Variants in NOMO2 observed in about 807,000 individuals in gnomAD.
The protein encoded by NOMO2 is NODAL modulator 2.
In NOMO2, 14 loss-of-function variants were observed where a neutral mutation model predicts 67.1. The observed-to-expected ratio is 0.21, with a 90% confidence interval of 0.14 to 0.33. The LOEUF (loss-of-function observed/expected upper bound fraction) is 0.33. Ranked by LOEUF, NOMO2 falls within the 10% of genes least tolerant of loss-of-function variation. The pLI, the probability that NOMO2 is intolerant of heterozygous loss-of-function variation, is 1.00. For synonymous variants in NOMO2, 80 were observed against 305.9 expected (o/e 0.26, Z 7.71); for missense variants, 178 against 761.0 (o/e 0.23, Z 9.01).
chr16:18,550,993 A>G (rs71238316), intron 4 of NOMO2, among the ~76,000 whole-genome samples: 3 of 151,410 alleles, frequency 2.0e-5, no homozygotes, highest in South Asian at 2.1e-4. Flanking sequence ...GCCCATCTCT[A>G]CTGAAAATAC....
chr16:18,535,036 T>A (rs1296669315), intron 11 of NOMO2, among the ~76,000 whole-genome samples: 15 of 88,210 alleles, frequency 1.7e-4, no homozygotes, highest in Non-Finnish European at 2.7e-4. Context: ...GTAATTTTTT[T>A]ATTTTACTTT....
At chr16:18,557,142 A>C (rs1460362558) in intron 2 of NOMO2, among the ~76,000 whole-genome samples, 13 of 152,032 alleles carry the variant, frequency 8.6e-5, no homozygotes, top group Non-Finnish European at 1.6e-4. Context: ...AAGAAAAAAA[A>C]AACAACAAAA....
chr16:18,537,077 T>C (rs1901441445), intron 11 of NOMO2, among the ~76,000 whole-genome samples: 1 of 152,074 alleles, frequency 6.6e-6, no homozygotes, highest in Non-Finnish European at 1.5e-5. Flanking sequence ...CTACTGTTCT[T>C]CTAATTCTAC....
chr16:18,522,951 G>GC (rs1354469514), intron 18 of NOMO2, among the ~76,000 whole-genome samples: 7 of 10,818 alleles, frequency 6.5e-4, no homozygotes, highest in Middle Eastern at 0.018. Flanking sequence ...ACATGGCCTG[G>GC]CCCCCCGCAG....
Position 18,562,035 on chromosome 16 carries a change from C to A in NOMO2, c.6G>T (p.Leu2=), listed in dbSNP as rs1224122964. M[L]VGQGAGLLGP... ...CCAGCAGCCCCGCGCCCTGGCCCACCAGCATGGCCCGACCTCCCCCAGCTA... is the reference window on the plus strand; with the variant it reads ...CCAGCAGCCCCGCGCCCTGGCCCACAAGCATGGCCCGACCTCCCCCAGCTA... The change falls in exon 1 of 31, where the codon CTG becomes CTT. Residue 2 remains leucine, a synonymous_variant. Transcript: ENST00000622306. 6.6e-7 allele frequency: 1 copy of A among 1,507,068 alleles called. No individual in the cohort carries two copies. Among genetic ancestry groups the A allele is most frequent in the Admixed American group, 2.3e-5 (1 of 43,854 alleles). 93.4% of individuals were successfully genotyped at this position (1,507,068 alleles called of 1,614,324 possible). A position where few individuals can be genotyped will look rare whatever the true frequency, so the allele number is the denominator to read the frequency against.
At chr16:18,558,784 C>T (rs984904655) in intron 1 of NOMO2, 2 of 451,786 alleles carry the variant, frequency 4.4e-6, no homozygotes, top group Non-Finnish European at 8.9e-6. Flanking sequence ...TCGGTTTCTT[C>T]AGGTGTAGAC....
chr16:18,531,652 T>G, intron 12 of NOMO2, 45 bp from the exon 13 acceptor site: 1 of 1,610,264 alleles, frequency 6.2e-7, no homozygotes, highest in Non-Finnish European at 8.5e-7. Context: ...TTCGGGGAGA[T>G]CTTCCCCCTG....
At chr16:18,557,028 T>A (rs529625114) in intron 2 of NOMO2, among the ~76,000 whole-genome samples, 1 of 150,636 alleles carries the variant, frequency 6.6e-6, no homozygotes, top group Non-Finnish European at 1.5e-5. Flanking sequence ...TCGGGAGGCC[T>A]AGGAAGGAAA....
At chr16:18,524,421 T>A in intron 17 of NOMO2, 68 bp downstream of exon 17, 1 of 930,578 alleles carries the variant, frequency 1.1e-6, no homozygotes, top group African/African-American at 1.6e-5. Flanking sequence ...TTTTGTTCTC[T>A]GAAGTAAATG....
At position 18,528,963 on chromosome 16, in the gene NOMO2, A is replaced by G. The variant is rs1281822445; in HGVS notation, c.1806+538T>C. ...AGCCTGGGCAACAGAGCAAGACTCC[A>G]TCTCAAAAAAAAAAAAAAAAAAAAA... On this transcript the variant is annotated intron_variant, in intron 15 of 30. Transcript: ENST00000622306. 5.3e-3 allele frequency among the ~76,000 whole-genome samples: 421 copies of G among 79,592 alleles called. 2 individuals are homozygous for G. The highest frequency in any genetic ancestry group is 0.016 in the African/African-American group (409 of 25,158). 52.2% of individuals were successfully genotyped at this position (79,592 alleles called of 152,430 possible). A position where few individuals can be genotyped will look rare whatever the true frequency, so the allele number is the denominator to read the frequency against.
intron 4 of NOMO2, among the ~76,000 whole-genome samples, chr16:18,550,159 T>TAAAAA (rs550548864): frequency 1.3e-3 from 12 of 8,968 alleles, no homozygotes; most frequent in East Asian, 2.7e-3. Flanking sequence ...GACTCCATCT[T>TAAAAA]AAAAAAAAAA....
At chr16:18,555,191 G>A (rs1284890198) in intron 2 of NOMO2, among the ~76,000 whole-genome samples, 1 of 150,844 alleles carries the variant, frequency 6.6e-6, no homozygotes, top group Non-Finnish European at 1.5e-5. Flanking sequence ...CATGCCTACA[G>A]TTGCACAAGT....
At position 18,531,633 on chromosome 16, in the gene NOMO2, G is replaced by C. The variant is rs1190830052; in HGVS notation, c.1396-26C>G. ...CTGCGGAAACGTGGATGGAACGTTA[G>C]AGGCTGCATTCGGGGAGATCTTCCC... On this transcript the variant is annotated intron_variant, in intron 12 of 30. Coordinates refer to ENST00000622306, the MANE Select transcript of NOMO2 (RefSeq NM_173614.4). 1.9e-6 allele frequency: 3 copies of C among 1,612,006 alleles called. No individual in the cohort carries two copies. The African/African-American group carries it at 4.0e-5, about 22-fold the overall frequency.
chr16:18,520,237 A>C (rs1400034265), intron 20 of NOMO2, among the ~76,000 whole-genome samples: 4 of 57,468 alleles, frequency 7.0e-5, no homozygotes, highest in Non-Finnish European at 1.4e-4. Context: ...ATTAAAGATC[A>C]TCACTGGCAG....
chr16:18,528,704 T>C (rs1383394732), intron 15 of NOMO2, among the ~76,000 whole-genome samples: 1 of 151,344 alleles, frequency 6.6e-6, no homozygotes, highest in African/African-American at 2.4e-5. Flanking sequence ...CCTGTAATCC[T>C]AGCACTCTGC....
chr16:18,550,379 TAAATAA>T (rs1439661196), intron 4 of NOMO2, among the ~76,000 whole-genome samples: 5 of 147,898 alleles, frequency 3.4e-5, no homozygotes, highest in Admixed American at 6.7e-5. Context: ...AAAAAATAAA[TAAATAA>T]AAATAAAAAT....
At chr16:18,558,776 G>A (rs1311480342) in intron 1 of NOMO2, 13 of 450,068 alleles carry the variant, frequency 2.9e-5, no homozygotes, top group South Asian at 4.7e-5. Flanking sequence ...GCTCGTGTTC[G>A]GTTTCTTCAG....
chr16:18,557,573 T>C, intron 2 of NOMO2, 129 bp downstream of exon 2: 1 of 1,597,268 alleles, frequency 6.3e-7, no homozygotes. Context: ...GTGACTAGGA[T>C]TATCATATTC....
chr16:18,536,821 T>A (rs1373637336), intron 11 of NOMO2, among the ~76,000 whole-genome samples: 2 of 152,132 alleles, frequency 1.3e-5, no homozygotes, highest in Admixed American at 6.6e-5. Context: ...AAGAATTACT[T>A]TCTGAGGGTA....
Sources: allele counts gnomAD v4.1 joint callset (sites outside exome capture counted in the v4.1 genomes callset), GRCh38; gene constraint gnomAD v4.1.1; transcripts MANE v1.5; gene names NCBI Gene and HGNC (gene_info 2026-07-23, HGNC 2026-07-21).